The following VAMP4 variants were observed in gnomAD, a reference collection of about 807,000 sequenced individuals.
VAMP4 encodes vesicle associated membrane protein 4.
Under a neutral mutation model 23.5 loss-of-function variants are expected in VAMP4, and 19 were observed. That is an observed-to-expected ratio of 0.81 (90% confidence interval 0.56 to 1.19). The LOEUF is 1.19. VAMP4 is among the 50% of genes most tolerant of loss of function. VAMP4 has a pLI of 0.00. For missense variants in VAMP4, 145 were observed against 168.6 expected (o/e 0.86, Z 0.78); for synonymous variants, 31 against 51.0 (o/e 0.61, Z 1.67).
At chr1:171,738,495 A>C in intron 1 of VAMP4, 32 bp from the exon 2 acceptor site, 1 of 1,415,320 alleles carries the variant, frequency 7.1e-7, no homozygotes, top group Non-Finnish European at 9.9e-7. Flanking sequence ...ATCAGATTTG[A>C]GACTTTGGGG....
At position 171,719,057 on chromosome 1, in the gene VAMP4, A is replaced by G. The variant is rs1016255977; in HGVS notation, c.164+114T>C. ...AAATGGGCATGGCTATGTTCCAATA[A>G]AACTTTATTTACAAAAACAGGCTGC... On this transcript the variant is annotated intron_variant, in intron 4 of 7. Coordinates refer to ENST00000236192, the MANE Select transcript of VAMP4 (RefSeq NM_003762.5). 8 of 863,312 alleles carry G rather than the reference A, an allele frequency of 9.3e-6. 1 individual carries two copies. The Middle Eastern group carries it at 1.8e-3, about 196-fold the overall frequency. 53.5% of individuals were successfully genotyped at this position (863,312 alleles called of 1,614,324 possible). A position where few individuals can be genotyped will look rare whatever the true frequency, so the allele number is the denominator to read the frequency against.
At chr1:171,709,420 A>T (rs752353887) in intron 6 of VAMP4, among the ~76,000 whole-genome samples, 10 of 152,176 alleles carry the variant, frequency 6.6e-5, no homozygotes, top group Non-Finnish European at 1.0e-4. Context: ...AATATTAATA[A>T]AATGTGGATT....
chr1:171,710,845 C>A, intron 4 of VAMP4, 31 bp from the exon 5 acceptor site: 1 of 1,497,236 alleles, frequency 6.7e-7, no homozygotes, highest in Non-Finnish European at 9.1e-7. Context: ...AATTATTTAT[C>A]CTTCTTTTGA....
chr1:171,712,485 C>G lies in VAMP4; in HGVS notation c.165-1671G>C, dbSNP rs372937385. On this transcript the variant is annotated intron_variant, in intron 4 of 7. Coordinates refer to ENST00000236192, the MANE Select transcript of VAMP4 (RefSeq NM_003762.5). ...AGCAATTACTAAGCTTGATGACAGT[C>G]ACTTCCCTCCCATGTTAAAAGCATT... Among the ~76,000 whole-genome samples the G allele has an allele frequency of 6.6e-5, 10 of 152,130 alleles. 1 individual carries two copies. The highest frequency in any genetic ancestry group is 2.0e-4 in the Admixed American group (3 of 15,248).
At chr1:171,708,378 T>C (rs1654733079) in intron 6 of VAMP4, among the ~76,000 whole-genome samples, 1 of 149,480 alleles carries the variant, frequency 6.7e-6, no homozygotes, top group Non-Finnish European at 1.5e-5. Flanking sequence ...ATAAATTTAT[T>C]CTTTAAAGAA....
chr1:171,713,827 CA>C (rs539107514), intron 4 of VAMP4, among the ~76,000 whole-genome samples: 36 of 151,458 alleles, frequency 2.4e-4, no homozygotes, highest in Non-Finnish European at 1.3e-4. Flanking sequence ...AGATCTGTCT[CA>C]AAGGAAAAAA....
At chr1:171,738,223 C>T (rs1655802362) in intron 2 of VAMP4, 126 bp downstream of exon 2, 12 of 964,260 alleles carry the variant, frequency 1.2e-5, no homozygotes, top group East Asian at 2.6e-5. Flanking sequence ...TCTGCTTCAG[C>T]GTCCCAAGTG....
chr1:171,720,793 C>T (rs1382028148), intron 3 of VAMP4, among the ~76,000 whole-genome samples: 1 of 151,882 alleles, frequency 6.6e-6, no homozygotes, highest in Admixed American at 6.6e-5. Context: ...CAGAACTTTC[C>T]CAACTCATTA....
At chr1:171,735,441 C>A in intron 2 of VAMP4, among the ~76,000 whole-genome samples, 1 of 152,164 alleles carries the variant, frequency 6.6e-6, no homozygotes, top group Non-Finnish European at 1.5e-5. Flanking sequence ...GGTGATTTTA[C>A]TACATACATT....
chr1:171,709,804 G>A, intron 5 of VAMP4, 60 bp from the exon 6 acceptor site: 1 of 1,275,634 alleles, frequency 7.8e-7, no homozygotes, highest in Non-Finnish European at 1.1e-6. Context: ...CTTTTATCTA[G>A]TCACACAAAG....
chr1:171,720,174 G>A (rs1655146943), intron 3 of VAMP4, among the ~76,000 whole-genome samples: 2 of 151,868 alleles, frequency 1.3e-5, no homozygotes, highest in Non-Finnish European at 1.5e-5. Context: ...CCATTCCAAA[G>A]TGATGTTAAA....
At position 171,703,790 on chromosome 1, in the gene VAMP4, A is replaced by C. The variant is rs1200813833; in HGVS notation, c.*716T>G. The C allele has an allele frequency of 6.6e-6, 1 of 152,244 alleles. No homozygotes were observed. Among genetic ancestry groups the C allele is most frequent in the East Asian group, 1.9e-4 (1 of 5,184 alleles). 9.4% of individuals were successfully genotyped at this position (152,244 alleles called of 1,614,324 possible). A position where few individuals can be genotyped will look rare whatever the true frequency, so the allele number is the denominator to read the frequency against. ...TGGCAGCTATATATTGGTCATTTTCAAATACTCCAATGACACTCTTCAATA... is the reference window on the plus strand; with the variant it reads ...TGGCAGCTATATATTGGTCATTTTCCAATACTCCAATGACACTCTTCAATA... On this transcript the variant is annotated 3_prime_UTR_variant, in exon 8 of 8. Transcript: ENST00000236192.
At chr1:171,711,186 C>T (rs997253185) in intron 4 of VAMP4, among the ~76,000 whole-genome samples, 3 of 152,046 alleles carry the variant, frequency 2.0e-5, no homozygotes, top group South Asian at 2.1e-4. Flanking sequence ...ACATAGACAC[C>T]GCTGTAGCCT....
chr1:171,728,695 AAAGT>A, intron 2 of VAMP4, 125 bp from the exon 3 acceptor site: 1 of 872,752 alleles, frequency 1.1e-6, no homozygotes, highest in African/African-American at 1.7e-5. Context: ...TAAAGAGGGA[AAAGT>A]AATTACATAT....
chr1:171,717,528 C>A lies in VAMP4; in HGVS notation c.164+1643G>T, dbSNP rs553288660. Among the ~76,000 whole-genome samples, 451 of 152,234 alleles carry A rather than the reference C, an allele frequency of 3.0e-3. 1 individual carries two copies. The highest frequency in any genetic ancestry group is 3.7e-3 in the Non-Finnish European group (251 of 67,992). On this transcript the variant is annotated intron_variant, in intron 4 of 7. Coordinates refer to ENST00000236192, the MANE Select transcript of VAMP4 (RefSeq NM_003762.5). ...TGATGCGGTATAAACTTTCTGCAGG[C>A]TCTATGTGCAGACTATAAAAACCAC...
At chr1:171,711,196 T>C (rs1334167698) in intron 4 of VAMP4, among the ~76,000 whole-genome samples, 1 of 152,142 alleles carries the variant, frequency 6.6e-6, no homozygotes, top group Non-Finnish European at 1.5e-5. Flanking sequence ...CGCTGTAGCC[T>C]ACTTTTGCCA....
chr1:171,727,051 G>A (rs1457229388), intron 3 of VAMP4, among the ~76,000 whole-genome samples: 2 of 151,800 alleles, frequency 1.3e-5, no homozygotes, highest in Non-Finnish European at 2.9e-5. Flanking sequence ...GGGAAACAAA[G>A]TGAGACCTCA....
At chr1:171,730,975 C>T (rs545405768) in intron 2 of VAMP4, among the ~76,000 whole-genome samples, 32 of 150,838 alleles carry the variant, frequency 2.1e-4, no homozygotes, top group African/African-American at 6.4e-4. Context: ...GAGGCCCAGG[C>T]GGGTGGATCA....
intron 3 of VAMP4, among the ~76,000 whole-genome samples, chr1:171,723,162 GA>G (rs1281676861): frequency 6.7e-6 from 1 of 148,858 alleles, no homozygotes; most frequent in Non-Finnish European, 1.5e-5. Context: ...GGATTATAGA[GA>G]TCACATGCTT....
Sources: allele counts gnomAD v4.1 joint callset (sites outside exome capture counted in the v4.1 genomes callset), GRCh38; gene constraint gnomAD v4.1.1; transcripts MANE v1.5; gene names NCBI Gene and HGNC (gene_info 2026-07-23, HGNC 2026-07-21).